The following MARCKS variants were observed in gnomAD, a reference collection of about 807,000 sequenced individuals.
MARCKS encodes myristoylated alanine rich protein kinase C substrate.
In MARCKS, 4 loss-of-function variants were observed where a neutral mutation model predicts 6.3. The ratio of observed to expected loss-of-function variants is 0.63; its 90% CI spans 0.31 to 1.45. The LOEUF is 1.45. Among genes scored for constraint, MARCKS ranks in the 40% most tolerant of loss-of-function variants. The pLI is 0.07. For synonymous variants in MARCKS, 289 were observed against 236.5 expected (o/e 1.22, Z -2.04); for missense variants, 636 against 485.7 (o/e 1.31, Z -2.91).
At position 113,860,669 on chromosome 6, in the gene MARCKS, C is replaced by A; in HGVS notation, c.*90C>A. The A allele has an allele frequency of 1.1e-6, 1 of 884,974 alleles. No homozygotes were observed. The highest frequency in any genetic ancestry group is 1.6e-6 in the Non-Finnish European group (1 of 628,694). The allele number at this position is 884,974 out of a possible 1,614,324, so 54.8% of individuals were successfully genotyped here. On this transcript the variant is annotated 3_prime_UTR_variant, in exon 2 of 2. Coordinates refer to ENST00000612661, the MANE Select transcript of MARCKS (RefSeq NM_002356.7). ...CAGGTACTGGTTTTGGAGAACTTGT[C>A]TACAACCAGGGATTGATTTTAAAGA...
In MARCKS at chr6:113,860,452, C is replaced by G. The variant is rs781744930; in HGVS notation, c.872C>G (p.Pro291Arg). The G allele has an allele frequency of 6.4e-5, 83 of 1,287,432 alleles. No homozygotes were observed. The highest frequency in any genetic ancestry group is 7.5e-5 in the Non-Finnish European group (75 of 1,004,274). The allele number at this position is 1,287,432 out of a possible 1,614,324, so 79.8% of individuals were successfully genotyped here. Residue 291 changes from proline (P) to arginine (R), a missense_variant, in exon 2 of 2, where the codon CCG (proline) becomes CGG (arginine). Coordinates refer to ENST00000612661, the MANE Select transcript of MARCKS (RefSeq NM_002356.7). ...APSAAGPGAPPEQEAAPAEEP... is the reference protein window; with the variant it reads ...APSAAGPGAPREQEAAPAEEP... ...TCCGCCGCCGGGCCCGGCGCGCCCC[C>G]GGAGCAGGAGGCAGCCCCCGCGGAG...
At position 113,859,758 on chromosome 6, in the gene MARCKS, G is replaced by C. The variant is rs1460016972; in HGVS notation, c.178G>C (p.Ala60Pro). 6.8e-7 allele frequency: 1 copy of C among 1,481,266 alleles called. No homozygotes were observed. 91.8% of individuals were successfully genotyped at this position (1,481,266 alleles called of 1,614,324 possible). The change falls in exon 2 of 2, where the codon GCC (alanine) becomes CCC (proline). Residue 60 changes from alanine (A) to proline (P), a missense_variant. Physicochemically the swap from Ala to Pro is conservative, Grantham distance 27. Coordinates refer to ENST00000612661, the MANE Select transcript of MARCKS (RefSeq NM_002356.7). ...AESGAKEELQ[A>P]NGSAPAADKE... Reference sequence around the variant, plus strand: ...GTCGGGCGCCAAGGAGGAGCTGCAGGCCAACGGCAGCGCCCCGGCCGCCGA... The same window carrying C: ...GTCGGGCGCCAAGGAGGAGCTGCAGCCCAACGGCAGCGCCCCGGCCGCCGA...
chr6:113,857,626 T>G lies in MARCKS; in HGVS notation c.-120T>G. ...CCCCCACCCCCCTCCCTCCGGTGTGTGTGCCGCTGCCGCTGTTGCCGCCGC... is the reference window on the plus strand; with the variant it reads ...CCCCCACCCCCCTCCCTCCGGTGTGGGTGCCGCTGCCGCTGTTGCCGCCGC... On this transcript the variant is annotated 5_prime_UTR_variant, in exon 1 of 2. Transcript: ENST00000612661. The G allele has an allele frequency of 2.6e-6, 1 of 385,054 alleles. No individual in the cohort carries two copies. The highest frequency in any genetic ancestry group is 5.0e-6 in the Non-Finnish European group (1 of 201,196). 23.9% of individuals were successfully genotyped at this position (385,054 alleles called of 1,614,324 possible). A position where few individuals can be genotyped will look rare whatever the true frequency, so the allele number is the denominator to read the frequency against.
chr6:113,859,130 TG>T (rs1280956418), intron 1 of MARCKS, among the ~76,000 whole-genome samples: 1 of 152,122 alleles, frequency 6.6e-6, no homozygotes, highest in East Asian at 1.9e-4. Context: ...GCCAAAGGCC[TG>T]GGTGGGCGCA....
intron 1 of MARCKS, among the ~76,000 whole-genome samples, chr6:113,858,198 C>T (rs1364509716): frequency 6.6e-6 from 1 of 151,714 alleles, no homozygotes; most frequent in African/African-American, 2.4e-5. Flanking sequence ...GTTTGGGTGT[C>T]TCTCGGGTTT....
rs371174019 is a variant in MARCKS at position 113,860,853 on chromosome 6, A to G, written c.*274A>G. The stretch of plus-strand genomic sequence containing the variant: ...TCTTCCTCTGCCTTGTTTCTCTTTT[A>G]TTTTTTATTTTTTCGCATCAGTATT... On this transcript the variant is annotated 3_prime_UTR_variant, in exon 2 of 2. Coordinates refer to ENST00000612661, the MANE Select transcript of MARCKS (RefSeq NM_002356.7). 1.4e-5 allele frequency: 3 copies of G among 206,998 alleles called. No homozygotes were observed. Among genetic ancestry groups the G allele is most frequent in the African/African-American group, 7.2e-5 (3 of 41,434 alleles). The allele number at this position is 206,998 out of a possible 1,614,324, so 12.8% of individuals were successfully genotyped here. A position where few individuals can be genotyped will look rare whatever the true frequency, so the allele number is the denominator to read the frequency against.
Position 113,859,720 on chromosome 6 carries a change from C to A in MARCKS, c.140C>A (p.Pro47His). The A allele has an allele frequency of 6.7e-7, 1 of 1,503,432 alleles. No individual in the cohort carries two copies. Among genetic ancestry groups the A allele is most frequent in the Non-Finnish European group, 8.9e-7 (1 of 1,127,010 alleles). 93.1% of individuals were successfully genotyped at this position (1,503,432 alleles called of 1,614,324 possible). The change falls in exon 2 of 2, where the codon CCC (proline) becomes CAC (histidine). Residue 47 changes from proline to histidine, a missense_variant. Coordinates refer to ENST00000612661, the MANE Select transcript of MARCKS (RefSeq NM_002356.7). ...GTGAAGGTAAACGGCGACGCTTCGC[C>A]CGCGGCCGCCGAGTCGGGCGCCAAG... ...GHVKVNGDASPAAAESGAKEE... is the reference protein window; with the variant it reads ...GHVKVNGDASHAAAESGAKEE...
rs1227623669 is a variant in MARCKS, at chr6:113,860,495, A to G, written c.915A>G (p.Ala305=). 2.0e-6 allele frequency: 3 copies of G among 1,513,270 alleles called. No homozygotes were observed. The highest frequency in any genetic ancestry group is 2.7e-6 in the Non-Finnish European group (3 of 1,130,424). 93.7% of individuals were successfully genotyped at this position (1,513,270 alleles called of 1,614,324 possible). A position where few individuals can be genotyped will look rare whatever the true frequency, so the allele number is the denominator to read the frequency against. ...CCGCGGAGGAGCCCGCGGCCGCCGC[A>G]GCCTCGTCAGCCTGCGCAGCCCCCT... ...AAPAEEPAAA[A]ASSACAAPSQ... The change falls in exon 2 of 2, where the codon GCA becomes GCG. Residue 305 remains alanine (A), a synonymous_variant. Coordinates refer to ENST00000612661, the MANE Select transcript of MARCKS (RefSeq NM_002356.7).
chr6:113,860,835 C>G lies in MARCKS; in HGVS notation c.*256C>G, dbSNP rs1774890270. On this transcript the variant is annotated 3_prime_UTR_variant, in exon 2 of 2. Coordinates refer to ENST00000612661, the MANE Select transcript of MARCKS (RefSeq NM_002356.7). ...AGGAGAGCTTAAACACCTTCTTCCT[C>G]TGCCTTGTTTCTCTTTTATTTTTTA... 1 of 265,242 alleles carries G rather than the reference C, an allele frequency of 3.8e-6. No individual in the cohort carries two copies. The highest frequency in any genetic ancestry group is 1.5e-4 in the South Asian group (1 of 6,882). The allele number at this position is 265,242 out of a possible 1,614,324, so 16.4% of individuals were successfully genotyped here.
chr6:113,860,034 A>G lies in MARCKS; in HGVS notation c.454A>G (p.Lys152Glu). The change falls in exon 2 of 2, where the codon AAA becomes GAA. Residue 152 changes from lysine (K) to glutamate (E), a missense_variant. By Grantham distance (56) the Lys-to-Glu change is moderately conservative (BLOSUM62 1). Transcript: ENST00000612661. Reference sequence around the variant, plus strand: ...GCCCTCGCCCAGCAACGAGACCCCGAAAAAAAAAAAGAAGCGCTTTTCCTT... The same window carrying G: ...GCCCTCGCCCAGCAACGAGACCCCGGAAAAAAAAAAGAAGCGCTTTTCCTT... Reference protein sequence around the residue: ...ATPSPSNETPKKKKKRFSFKK... With the variant: ...ATPSPSNETPEKKKKRFSFKK... 4.2e-6 allele frequency: 4 copies of G among 960,926 alleles called. No individual in the cohort carries two copies. The highest frequency in any genetic ancestry group is 5.8e-6 in the Non-Finnish European group (4 of 692,862). 59.5% of individuals were successfully genotyped at this position (960,926 alleles called of 1,614,324 possible).
At chr6:113,858,445 C>T (rs1156345249) in intron 1 of MARCKS, among the ~76,000 whole-genome samples, 1 of 152,190 alleles carries the variant, frequency 6.6e-6, no homozygotes, top group Admixed American at 6.5e-5. Flanking sequence ...TGTCCTAAAT[C>T]TTTATTCGTA....
Position 113,857,489 on chromosome 6 carries a change from C to G in MARCKS, c.-257C>G. 2.3e-6 allele frequency: 1 copy of G among 437,584 alleles called. No individual in the cohort carries two copies. 27.1% of individuals were successfully genotyped at this position (437,584 alleles called of 1,614,324 possible). A position where few individuals can be genotyped will look rare whatever the true frequency, so the allele number is the denominator to read the frequency against. ...ACACTTGGGCTCCTTTTTTTGTGCT[C>G]GACTTTTCCACCCTTTTTCCCTCCC... On this transcript the variant is annotated 5_prime_UTR_variant, in exon 1 of 2. Transcript: ENST00000612661.
intron 1 of MARCKS, among the ~76,000 whole-genome samples, chr6:113,858,635 C>G (rs1031284945): frequency 1.3e-5 from 2 of 152,208 alleles, no homozygotes. Context: ...CGGCGCTGCC[C>G]GGACCCAGGC....
intron 1 of MARCKS, among the ~76,000 whole-genome samples, chr6:113,858,883 G>A (rs2114520242): frequency 6.6e-6 from 1 of 152,378 alleles, no homozygotes; most frequent in Admixed American, 6.5e-5. Context: ...GGAAGCAGAG[G>A]CGAGACCTCA....
chr6:113,858,927 C>G (rs1774830957), intron 1 of MARCKS, among the ~76,000 whole-genome samples: 4 of 152,256 alleles, frequency 2.6e-5, no homozygotes, highest in Non-Finnish European at 5.9e-5. Context: ...TTGTTGGTTT[C>G]AGCCCGACCG....
rs1407296399 is a variant in MARCKS, at chr6:113,859,084, A to G, written c.103-599A>G. On this transcript the variant is annotated intron_variant, in intron 1 of 1. Transcript: ENST00000612661. ...GCCCCTCCTCGCCTGCCTGCGCCCAACGCGGCGCGGTGGAGGCACAGCGCC... is the reference window on the plus strand; with the variant it reads ...GCCCCTCCTCGCCTGCCTGCGCCCAGCGCGGCGCGGTGGAGGCACAGCGCC... Among the ~76,000 whole-genome samples, 14 of 152,100 alleles carry G rather than the reference A, an allele frequency of 9.2e-5. No homozygotes were observed. In the South Asian group the frequency reaches 2.5e-3, roughly 27 times the overall value.
intron 1 of MARCKS, among the ~76,000 whole-genome samples, chr6:113,858,243 A>T (rs1374531212): frequency 6.7e-6 from 1 of 149,104 alleles, no homozygotes; most frequent in Non-Finnish European, 1.5e-5. Flanking sequence ...AGATTTCTGA[A>T]CTGGTGGTGT....
Position 113,860,019 on chromosome 6 carries a change from A to C in MARCKS, c.439A>C (p.Ser147Arg), listed in dbSNP as rs778938816. 25 of 1,569,516 alleles carry C rather than the reference A, an allele frequency of 1.6e-5. 2 individuals are homozygous for C. The South Asian group carries it at 2.8e-4, about 18-fold the overall frequency. Residue 147 changes from serine to arginine, a missense_variant, in exon 2 of 2, where the codon AGC (serine) becomes CGC (arginine). Coordinates refer to ENST00000612661, the MANE Select transcript of MARCKS (RefSeq NM_002356.7). ...CGAGGACGGGGCCACGCCCTCGCCC[A>C]GCAACGAGACCCCGAAAAAAAAAAA... is the stretch of plus-strand genomic sequence containing the variant. ...KAEDGATPSP[S>R]NETPKKKKKR...
In MARCKS at chr6:113,860,592, T is replaced by C. The variant is rs1274848749; in HGVS notation, c.*13T>C. 38 of 1,533,514 alleles carry C rather than the reference T, an allele frequency of 2.5e-5. No homozygotes were observed. The highest frequency in any genetic ancestry group is 3.1e-5 in the Non-Finnish European group (35 of 1,144,976). The allele number at this position is 1,533,514 out of a possible 1,614,324, so 95.0% of individuals were successfully genotyped here. On this transcript the variant is annotated 3_prime_UTR_variant, in exon 2 of 2. Coordinates refer to ENST00000612661, the MANE Select transcript of MARCKS (RefSeq NM_002356.7). ...GGCGGCAGAGTAAAAGAGCAAGCTT[T>C]TGTGAGATAATCGAAGAACTTTTCT...
Sources: gnomAD v4.1 joint callset for allele counts (sites outside exome capture counted in the v4.1 genomes callset) on GRCh38, gnomAD v4.1.1 for gene constraint, MANE v1.5 for transcripts, NCBI Gene and HGNC (gene_info 2026-07-23, HGNC 2026-07-21) for gene names.